PAPPA: variants seen among roughly 807,000 people sequenced by gnomAD.
The protein encoded by PAPPA is pappalysin 1.
Under a neutral mutation model 164.0 loss-of-function variants are expected in PAPPA, and 60 were observed. That is an observed-to-expected ratio of 0.37 (90% CI 0.30 to 0.45). The LOEUF (loss-of-function observed/expected upper bound fraction) is 0.45, where lower values mean the gene tolerates loss of function less well. Ranked by LOEUF, PAPPA falls within the 20% of genes least tolerant of loss-of-function variation. The probability of loss-of-function intolerance (pLI) is 1.00; values close to 1 mark genes in which losing one functional copy is unlikely to be tolerated. For missense variants in PAPPA, 1,782 were observed against 2,087.3 expected (o/e 0.85, Z 2.85); for synonymous variants, 875 against 814.1 (o/e 1.07, Z -1.27).
At chr9:116,320,258 T>G (rs547365224) in intron 10 of PAPPA, among the ~76,000 whole-genome samples, 1 of 151,892 alleles carries the variant, frequency 6.6e-6, no homozygotes, top group Non-Finnish European at 1.5e-5. Context: ...TGTGGGGAGG[T>G]GCCAGCCTGA....
intron 1 of PAPPA, among the ~76,000 whole-genome samples, chr9:116,180,409 A>G (rs1242957113): frequency 6.6e-6 from 1 of 152,142 alleles, no homozygotes; most frequent in East Asian, 1.9e-4. Flanking sequence ...TTGGAGGGAA[A>G]ATCAATTAAC....
At chr9:116,332,267 A>G (rs1445425625) in intron 11 of PAPPA, 66 bp from the exon 12 acceptor site, 6 of 1,461,510 alleles carry the variant, frequency 4.1e-6, no homozygotes, top group African/African-American at 2.8e-5. Context: ...ATGCACCCCA[A>G]TGTGGCTGCC....
intron 19 of PAPPA, among the ~76,000 whole-genome samples, chr9:116,368,113 A>G (rs1157958993): frequency 3.3e-5 from 5 of 152,158 alleles, no homozygotes; most frequent in Admixed American, 3.3e-4. Context: ...GTCTGGCTGG[A>G]AAGTCCATAC....
intron 4 of PAPPA, among the ~76,000 whole-genome samples, chr9:116,218,309 AG>A (rs986236422): frequency 4.6e-5 from 7 of 152,194 alleles, no homozygotes; most frequent in Admixed American, 4.6e-4. Flanking sequence ...ATAGCTGTCC[AG>A]CACCTGCCCA....
chr9:116,302,998 C>G lies in PAPPA; in HGVS notation c.3147+48C>G, dbSNP rs187726332. On this transcript the variant is annotated intron_variant, in intron 10 of 21. Transcript: ENST00000328252. ...CATTTCCTGCAGACATTCAAAGTCT[C>G]CGCTATGCCCCACAAGGCTACTCAC... is the stretch of plus-strand genomic sequence containing the variant. The G allele has an allele frequency of 1.9e-4, 287 of 1,521,488 alleles. 2 individuals carry two copies. In the African/African-American group the frequency reaches 2.3e-3, roughly 12 times the overall value. The allele number at this position is 1,521,488 out of a possible 1,614,324, so 94.2% of individuals were successfully genotyped here.
intron 7 of PAPPA, among the ~76,000 whole-genome samples, chr9:116,245,244 C>A (rs1173816687): frequency 6.6e-6 from 1 of 151,988 alleles, no homozygotes; most frequent in South Asian, 2.1e-4. Context: ...CCCCCCAAAC[C>A]CTGAATTCAC....
At chr9:116,217,624 C>T (rs186553913) in intron 4 of PAPPA, among the ~76,000 whole-genome samples, 10 of 149,916 alleles carry the variant, frequency 6.7e-5, no homozygotes, top group Admixed American at 6.0e-4. Flanking sequence ...TTTTCTAACA[C>T]TCACACATAC....
At chr9:116,353,835 C>G (rs191398295) in intron 17 of PAPPA, 42 bp downstream of exon 17, 1 of 1,511,204 alleles carries the variant, frequency 6.6e-7, no homozygotes, top group East Asian at 2.3e-5. Context: ...TGGTCCCTTT[C>G]CTTTCTGCTT....
intron 10 of PAPPA, among the ~76,000 whole-genome samples, chr9:116,312,727 A>G (rs547673553): frequency 1.2e-4 from 18 of 152,266 alleles, no homozygotes; most frequent in African/African-American, 3.9e-4. Context: ...TTACTTTGAT[A>G]AATTAGACTG....
chr9:116,243,534 C>A (rs1844760661), intron 7 of PAPPA, among the ~76,000 whole-genome samples: 1 of 152,060 alleles, frequency 6.6e-6, no homozygotes, highest in South Asian at 2.1e-4. Context: ...GATGCTAAAG[C>A]CAAGTTTTAT....
intron 4 of PAPPA, among the ~76,000 whole-genome samples, chr9:116,214,587 TG>T (rs1166048268): frequency 6.6e-6 from 1 of 152,026 alleles, no homozygotes; most frequent in African/African-American, 2.4e-5. Context: ...AGGCAGTTGA[TG>T]GGGGGAAGCC....
chr9:116,218,100 G>A (rs1844398324), intron 4 of PAPPA, among the ~76,000 whole-genome samples: 1 of 152,196 alleles, frequency 6.6e-6, no homozygotes, highest in African/African-American at 2.4e-5. Context: ...GGGTTTGAGA[G>A]AGATTTACTC....
Position 116,347,152 on chromosome 9 carries a change from G to A in PAPPA, c.3907G>A (p.Gly1303Ser), listed in dbSNP as rs781104922. Residue 1303 changes from glycine (G) to serine (S), a missense_variant, in exon 15 of 22, where the codon GGC becomes AGC. By Grantham distance (56) the Gly-to-Ser change is moderately conservative (BLOSUM62 0). Transcript: ENST00000328252. The surrounding 1 kb of genome is among the most constrained non-coding windows in gnomAD (Gnocchi z 4.5). ...VYAASFSCPE[G>S]TTFGSQCSFQ... is the part of the protein sequence containing the mutation. ...TGCTGCCTCCTTCTCCTGCCCTGAG[G>A]GCACCACCTTTGGCAGTCAATGTTC... The A allele has an allele frequency of 6.2e-6, 10 of 1,613,952 alleles. No homozygotes were observed. The highest frequency in any genetic ancestry group is 8.5e-6 in the Non-Finnish European group (10 of 1,179,996).
At chr9:116,173,981 G>A (rs1227865711) in intron 1 of PAPPA, among the ~76,000 whole-genome samples, 2 of 152,214 alleles carry the variant, frequency 1.3e-5, no homozygotes, top group East Asian at 1.9e-4. Flanking sequence ...TCTGGAGTCT[G>A]ATTGCTTGGG....
intron 20 of PAPPA, among the ~76,000 whole-genome samples, chr9:116,378,873 A>AT (rs1011952121): frequency 1.6e-4 from 24 of 152,042 alleles, no homozygotes; most frequent in African/African-American, 4.8e-4. Flanking sequence ...TAGGTTACAC[A>AT]TTTTTTTCTC....
intron 19 of PAPPA, among the ~76,000 whole-genome samples, chr9:116,369,128 C>G (rs1195755017): frequency 1.3e-5 from 2 of 152,106 alleles, no homozygotes; most frequent in African/African-American, 4.8e-5. Flanking sequence ...CCCACACTCT[C>G]CTTTCCATCA....
chr9:116,276,823 C>CCCCCAG (rs1204589855), intron 9 of PAPPA, among the ~76,000 whole-genome samples: 2 of 152,094 alleles, frequency 1.3e-5, no homozygotes, highest in African/African-American at 4.8e-5. Context: ...CAATTAGCAA[C>CCCCCAG]CCCCAGCCCC....
intron 10 of PAPPA, among the ~76,000 whole-genome samples, chr9:116,319,369 C>T (rs932898201): frequency 6.6e-6 from 1 of 152,200 alleles, no homozygotes; most frequent in African/African-American, 2.4e-5. Context: ...GGGACTCGGC[C>T]CAATGCCTGG....
At chr9:116,353,358 G>A (rs1846309248) in intron 16 of PAPPA, among the ~76,000 whole-genome samples, 1 of 152,180 alleles carries the variant, frequency 6.6e-6, no homozygotes, top group African/African-American at 2.4e-5. Flanking sequence ...CAAAAAAGGG[G>A]AGAGAACCTG....
Sources: allele counts gnomAD v4.1 joint callset (sites outside exome capture counted in the v4.1 genomes callset), GRCh38; gene constraint gnomAD v4.1.1; non-coding constraint Gnocchi (gnomAD v3.1); transcripts MANE v1.5; gene names NCBI Gene and HGNC (gene_info 2026-07-23, HGNC 2026-07-21).